Variants in IGSF3 observed in about 807,000 individuals in gnomAD.
IGSF3 encodes the protein glu-Trp-Ile EWI motif-containing protein 3.
Under a neutral mutation model 114.4 loss-of-function variants are expected in IGSF3, and 23 were observed. The ratio of observed to expected loss-of-function variants is 0.20; its 90% CI spans 0.14 to 0.28. IGSF3 has a LOEUF of 0.28. Ranked by LOEUF, IGSF3 falls within the 10% of genes least tolerant of loss-of-function variation. The pLI, the probability that IGSF3 is intolerant of heterozygous loss-of-function variation, is 1.00. For missense variants in IGSF3, 1,172 were observed against 1,591.5 expected (o/e 0.74, Z 4.48); for synonymous variants, 571 against 645.2 (o/e 0.88, Z 1.74).
chr1:116,658,368 C>T (rs1264474510), intron 2 of IGSF3, among the ~76,000 whole-genome samples: 1 of 152,070 alleles, frequency 6.6e-6, no homozygotes, highest in African/African-American at 2.4e-5. Flanking sequence ...TATACAGAAG[C>T]TCTTGCTTTG....
At position 116,588,872 on chromosome 1, in the gene IGSF3, G is replaced by C. The variant is rs768787385; in HGVS notation, c.2262C>G (p.Leu754=). 15 of 1,614,218 alleles carry C rather than the reference G, an allele frequency of 9.3e-6. No homozygotes were observed. The highest frequency in any genetic ancestry group is 1.3e-5 in the Non-Finnish European group (15 of 1,180,036). The stretch of plus-strand genomic sequence containing the variant: ...CCCCCGACACATGCCTCTCAAACTG[G>C]AGCCTGGCTCTCAGGCCCTCCTCCT... The part of the protein sequence containing the change: ...YAEEEGLRAR[L]QFERHVSGGL... Residue 754 remains leucine, a synonymous_variant, in exon 8 of 11, where the codon CTC becomes CTG. Coordinates refer to ENST00000369486, the MANE Select transcript of IGSF3 (RefSeq NM_001007237.3). This position sits in a 1 kb window ranked among gnomAD's most constrained non-coding sequence, Gnocchi z 4.9.
In IGSF3 at chr1:116,644,859, G is replaced by A. The variant is rs1032197095; in HGVS notation, c.43+21425C>T. Among the ~76,000 whole-genome samples, 5 of 152,184 alleles carry A rather than the reference G, an allele frequency of 3.3e-5. No homozygotes were observed. The highest frequency in any genetic ancestry group is 9.7e-5 in the African/African-American group (4 of 41,430). On this transcript the variant is annotated intron_variant, in intron 2 of 10. Transcript: ENST00000369486. This position sits in a 1 kb window ranked among gnomAD's most constrained non-coding sequence, Gnocchi z 5.6. ...CCACCTCAGCAGCCAGTGACACTAC[G>A]ATATAGGGAAAAGAACCTAGATTAG... is the stretch of plus-strand genomic sequence containing the variant.
At chr1:116,619,315 G>C (rs923908903) in intron 2 of IGSF3, among the ~76,000 whole-genome samples, 20 of 152,256 alleles carry the variant, frequency 1.3e-4, no homozygotes, top group South Asian at 1.2e-3. Context: ...AAAGGCACTC[G>C]GCCAGCGGAT....
intron 7 of IGSF3, among the ~76,000 whole-genome samples, chr1:116,590,944 T>A (rs1040172608): frequency 2.4e-4 from 37 of 152,228 alleles, no homozygotes; most frequent in Admixed American, 7.2e-4. Flanking sequence ...AAATCGGACA[T>A]TCTCTCCAGG....
At position 116,599,907 on chromosome 1, in the gene IGSF3, A is replaced by G. The variant is rs756042885; in HGVS notation, c.2029+34T>C. 4 of 1,584,220 alleles carry G rather than the reference A, an allele frequency of 2.5e-6. No homozygotes were observed. In the Admixed American group the frequency reaches 6.7e-5, roughly 27 times the overall value. Reference sequence around the variant, plus strand: ...TTTCCCTCACGTCTGCTCAGGCAGCATGGGCACATAGCCCACAGGTCCGCA... The same window carrying G: ...TTTCCCTCACGTCTGCTCAGGCAGCGTGGGCACATAGCCCACAGGTCCGCA... On this transcript the variant is annotated intron_variant, in intron 7 of 10. Coordinates refer to ENST00000369486, the MANE Select transcript of IGSF3 (RefSeq NM_001007237.3).
chr1:116,627,519 C>A lies in IGSF3; in HGVS notation c.44-11062G>T, dbSNP rs1647347244. Among the ~76,000 whole-genome samples, 1 of 152,172 alleles carries A rather than the reference C, an allele frequency of 6.6e-6. No individual in the cohort carries two copies. The highest frequency in any genetic ancestry group is 6.5e-5 in the Admixed American group (1 of 15,288). On this transcript the variant is annotated intron_variant, in intron 2 of 10. Coordinates refer to ENST00000369486, the MANE Select transcript of IGSF3 (RefSeq NM_001007237.3). This position sits in a 1 kb window ranked among gnomAD's most constrained non-coding sequence, Gnocchi z 4.7. ...GCACCTCCTCCTGGAGCTGGCAGGG[C>A]CCCAGCAGTGCGCCTCTCAATGCTC...
Position 116,594,679 on chromosome 1 carries a change from T to C in IGSF3, c.2029+5262A>G, listed in dbSNP as rs1232311502. Among the ~76,000 whole-genome samples, 1 of 152,204 alleles carries C rather than the reference T, an allele frequency of 6.6e-6. No individual in the cohort carries two copies. Among genetic ancestry groups the C allele is most frequent in the African/African-American group, 2.4e-5 (1 of 41,442 alleles). Reference sequence around the variant, plus strand: ...TCTGTCCTTGCTTTTAGCTATTACATATGCCCACCCTCACCCCATGCTCCC... The same window carrying C: ...TCTGTCCTTGCTTTTAGCTATTACACATGCCCACCCTCACCCCATGCTCCC... On this transcript the variant is annotated intron_variant, in intron 7 of 10. Coordinates refer to ENST00000369486, the MANE Select transcript of IGSF3 (RefSeq NM_001007237.3). The surrounding 1 kb of genome is among the most constrained non-coding windows in gnomAD (Gnocchi z 5.2).
Position 116,642,709 on chromosome 1 carries a change from C to A in IGSF3, c.43+23575G>T, listed in dbSNP as rs1648164575. Reference sequence around the variant, plus strand: ...CTGCCCTGAAGAGCTTGGCTGCCAGCAGGTGCAGCGCTGCCCTGGGATACC... The same window carrying A: ...CTGCCCTGAAGAGCTTGGCTGCCAGAAGGTGCAGCGCTGCCCTGGGATACC... On this transcript the variant is annotated intron_variant, in intron 2 of 10. Coordinates refer to ENST00000369486, the MANE Select transcript of IGSF3 (RefSeq NM_001007237.3). The surrounding 1 kb of genome is among the most constrained non-coding windows in gnomAD (Gnocchi z 5.4). Among the ~76,000 whole-genome samples the A allele has an allele frequency of 6.6e-6, 1 of 152,242 alleles. No homozygotes were observed. Among genetic ancestry groups the A allele is most frequent in the African/African-American group, 2.4e-5 (1 of 41,456 alleles).
At chr1:116,645,077 C>A (rs1333514727) in intron 2 of IGSF3, among the ~76,000 whole-genome samples, 40 of 152,168 alleles carry the variant, frequency 2.6e-4, no homozygotes, top group Non-Finnish European at 8.8e-5. Flanking sequence ...TAGCTGTATT[C>A]ATAGTAGCCC....
At position 116,664,075 on chromosome 1, in the gene IGSF3, A is replaced by G. The variant is rs1029684376; in HGVS notation, c.43+2209T>C. 4.6e-5 allele frequency among the ~76,000 whole-genome samples: 7 copies of G among 152,314 alleles called. No homozygotes were observed. The South Asian group carries it at 1.0e-3, about 23-fold the overall frequency. ...TCTACCTCTCCCAGATTAGTAAAGTAGTAGCCAGGCCTCCTTCCTGCCATA... is the reference window on the plus strand; with the variant it reads ...TCTACCTCTCCCAGATTAGTAAAGTGGTAGCCAGGCCTCCTTCCTGCCATA... On this transcript the variant is annotated intron_variant, in intron 2 of 10. Coordinates refer to ENST00000369486, the MANE Select transcript of IGSF3 (RefSeq NM_001007237.3). This position sits in a 1 kb window ranked among gnomAD's most constrained non-coding sequence, Gnocchi z 4.6.
intron 2 of IGSF3, among the ~76,000 whole-genome samples, chr1:116,666,014 T>C (rs1008294300): frequency 1.3e-5 from 2 of 152,134 alleles, no homozygotes; most frequent in Non-Finnish European, 2.9e-5. Context: ...AAACCACAGA[T>C]GTGCAGATGC....
rs1557880039 is a variant in IGSF3, at chr1:116,634,975, T to C, written c.44-18518A>G. On this transcript the variant is annotated intron_variant, in intron 2 of 10. Coordinates refer to ENST00000369486, the MANE Select transcript of IGSF3 (RefSeq NM_001007237.3). The surrounding 1 kb of genome is among the most constrained non-coding windows in gnomAD (Gnocchi z 4.2). ...AGTCTCCACTGCTCCAGTTGTCTAGTGTCCCAGCCCCAACCACCATCTGAC... is the reference window on the plus strand; with the variant it reads ...AGTCTCCACTGCTCCAGTTGTCTAGCGTCCCAGCCCCAACCACCATCTGAC... 6.6e-6 allele frequency among the ~76,000 whole-genome samples: 1 copy of C among 152,212 alleles called. No individual in the cohort carries two copies. The highest frequency in any genetic ancestry group is 6.5e-5 in the Admixed American group (1 of 15,276).
rs566248482 is a variant in IGSF3, at chr1:116,650,777, G to A, written c.43+15507C>T. ...ATTATCCTGTGGGTGTGAGAAAAGA[G>A]TGTGCATTATAATAGGGTGCTACAA... On this transcript the variant is annotated intron_variant, in intron 2 of 10. Coordinates refer to ENST00000369486, the MANE Select transcript of IGSF3 (RefSeq NM_001007237.3). The surrounding 1 kb of genome is among the most constrained non-coding windows in gnomAD (Gnocchi z 5.0). Among the ~76,000 whole-genome samples the A allele has an allele frequency of 4.6e-5, 7 of 152,240 alleles. No homozygotes were observed. The highest frequency in any genetic ancestry group is 1.7e-4 in the African/African-American group (7 of 41,464).
rs115354461 is a variant in IGSF3, at chr1:116,580,000, T to C, written c.2849-123A>G. The C allele has an allele frequency of 5.2e-4, 477 of 926,070 alleles. 3 individuals are homozygous for C. The African/African-American group carries it at 7.4e-3, about 14-fold the overall frequency. The allele number at this position is 926,070 out of a possible 1,614,324, so 57.4% of individuals were successfully genotyped here. A position where few individuals can be genotyped will look rare whatever the true frequency, so the allele number is the denominator to read the frequency against. On this transcript the variant is annotated intron_variant, in intron 9 of 10. Transcript: ENST00000369486. The surrounding 1 kb of genome is among the most constrained non-coding windows in gnomAD (Gnocchi z 6.4). ...CATACTATAAGATATTATGCACCTA[T>C]TGAAAAGGCATAGGCAGTGCTACAG...
Position 116,594,957 on chromosome 1 carries a change from C to T in IGSF3, c.2029+4984G>A, listed in dbSNP as rs2152296. 6.6e-5 allele frequency among the ~76,000 whole-genome samples: 10 copies of T among 151,812 alleles called. No individual in the cohort carries two copies. Among genetic ancestry groups the T allele is most frequent in the Admixed American group, 2.6e-4 (4 of 15,252 alleles). ...GCTGGCTCTGCCTCCACACCTGTAACGCTTTTCTGCTCTCCTTTGTCCCTA... is the reference window on the plus strand; with the variant it reads ...GCTGGCTCTGCCTCCACACCTGTAATGCTTTTCTGCTCTCCTTTGTCCCTA... On this transcript the variant is annotated intron_variant, in intron 7 of 10. Coordinates refer to ENST00000369486, the MANE Select transcript of IGSF3 (RefSeq NM_001007237.3). This position sits in a 1 kb window ranked among gnomAD's most constrained non-coding sequence, Gnocchi z 5.2.
chr1:116,613,025 C>CT (rs1408981646), intron 4 of IGSF3, among the ~76,000 whole-genome samples: 1 of 152,244 alleles, frequency 6.6e-6, no homozygotes, highest in Admixed American at 6.5e-5. Context: ...CTCAGGACCC[C>CT]TTCCAGGCCT....
chr1:116,576,739 C>G lies in IGSF3; in HGVS notation c.*573G>C, dbSNP rs776095233. On this transcript the variant is annotated 3_prime_UTR_variant, in exon 11 of 11. Coordinates refer to ENST00000369486, the MANE Select transcript of IGSF3 (RefSeq NM_001007237.3). The surrounding 1 kb of genome is among the most constrained non-coding windows in gnomAD (Gnocchi z 4.6). ...TCCAGCTGAGGGAAAAGACAACATACAAATTTTGCCCACACTACACACAAT... is the reference window on the plus strand; with the variant it reads ...TCCAGCTGAGGGAAAAGACAACATAGAAATTTTGCCCACACTACACACAAT... The G allele has an allele frequency of 1.3e-5, 2 of 152,988 alleles. No homozygotes were observed. The highest frequency in any genetic ancestry group is 2.9e-5 in the Non-Finnish European group (2 of 68,336). The allele number at this position is 152,988 out of a possible 1,614,324, so 9.5% of individuals were successfully genotyped here.
At chr1:116,646,140 C>T (rs1436070294) in intron 2 of IGSF3, among the ~76,000 whole-genome samples, 2 of 152,224 alleles carry the variant, frequency 1.3e-5, no homozygotes, top group Admixed American at 1.3e-4. Context: ...GGCTCAAATA[C>T]AGAGTGGGGC....
chr1:116,626,343 TTTCA>T (rs1647277485), intron 2 of IGSF3, among the ~76,000 whole-genome samples: 1 of 151,298 alleles, frequency 6.6e-6, no homozygotes, highest in Admixed American at 6.6e-5. Context: ...TTATCGTCCC[TTTCA>T]TTGAGTTATG....
Sources: gnomAD v4.1 joint callset for allele counts (sites outside exome capture counted in the v4.1 genomes callset) on GRCh38, gnomAD v4.1.1 for gene constraint, Gnocchi (gnomAD v3.1) non-coding constraint, MANE v1.5 for transcripts, NCBI Gene and HGNC (gene_info 2026-07-23, HGNC 2026-07-21) for gene names.